GNG12: variants seen among roughly 807,000 people sequenced by gnomAD.
GNG12 encodes the protein guanine nucleotide-binding protein G(I)/G(S)/G(O) subunit gamma-12.
For missense variants in GNG12, 69 were observed against 83.8 expected, an observed-to-expected ratio of 0.82 and a Z score of 0.69; for synonymous variants, 28 against 29.7, an observed-to-expected ratio of 0.94 and a Z score of 0.19.
At chr1:67,757,641 G>C (rs116469256) in intron 2 of GNG12, among the ~76,000 whole-genome samples, 5 of 152,234 alleles carry the variant, frequency 3.3e-5, no homozygotes, top group Non-Finnish European at 7.4e-5. Flanking sequence ...CCTGCCTTCC[G>C]GGGGACCTTG....
At chr1:67,792,965 C>T (rs1359796906) in intron 1 of GNG12, among the ~76,000 whole-genome samples, 2 of 152,114 alleles carry the variant, frequency 1.3e-5, no homozygotes, top group Middle Eastern at 6.3e-3. Flanking sequence ...AGTTAGCTCC[C>T]AGGGGACAGT....
chr1:67,759,877 C>A (rs1646592247), intron 2 of GNG12, among the ~76,000 whole-genome samples: 1 of 152,210 alleles, frequency 6.6e-6, no homozygotes, highest in East Asian at 1.9e-4. Context: ...CAGTGACATT[C>A]CAAGGAGTTC....
intron 1 of GNG12, among the ~76,000 whole-genome samples, chr1:67,785,455 C>T (rs1193663440): frequency 5.3e-5 from 8 of 152,092 alleles, no homozygotes; most frequent in Non-Finnish European, 1.5e-5. Context: ...ACCTTTTCTA[C>T]CTCCTACTTT....
At chr1:67,831,252 A>G (rs1570583679) in intron 1 of GNG12, among the ~76,000 whole-genome samples, 1 of 152,360 alleles carries the variant, frequency 6.6e-6, no homozygotes, top group Admixed American at 6.5e-5. Flanking sequence ...AACTAATTTG[A>G]TATTGGCTAA....
At chr1:67,732,860 C>A (rs1646428741) in intron 2 of GNG12, among the ~76,000 whole-genome samples, 1 of 152,204 alleles carries the variant, frequency 6.6e-6, no homozygotes, top group Admixed American at 6.5e-5. Flanking sequence ...ATAGCTACTG[C>A]CCTCCTGGCA....
At chr1:67,746,664 G>A (rs1215927957) in intron 2 of GNG12, among the ~76,000 whole-genome samples, 1 of 152,174 alleles carries the variant, frequency 6.6e-6, no homozygotes, top group Non-Finnish European at 1.5e-5. Context: ...AAAATAGGGA[G>A]TTTGGCTTAA....
intron 3 of GNG12, 36 bp downstream of exon 3, chr1:67,707,558 G>T: frequency 9.3e-7 from 1 of 1,076,898 alleles, no homozygotes; most frequent in Non-Finnish European, 1.4e-6. Flanking sequence ...GGGGAACTGA[G>T]CAGAAAGCAT....
At chr1:67,801,133 C>T (rs1480871686) in intron 1 of GNG12, among the ~76,000 whole-genome samples, 3 of 152,122 alleles carry the variant, frequency 2.0e-5, no homozygotes, top group African/African-American at 2.4e-5. Context: ...AGTTGAGTAG[C>T]GTCTTCCATA....
chr1:67,758,479 C>T (rs1646583185), intron 2 of GNG12, among the ~76,000 whole-genome samples: 1 of 152,222 alleles, frequency 6.6e-6, no homozygotes, highest in Non-Finnish European at 1.5e-5. Context: ...CCCCTCTCTG[C>T]TCTTCACACA....
At position 67,784,801 on chromosome 1, in the gene GNG12, A is replaced by G. The variant is rs190526791; in HGVS notation, c.-76-7294T>C. ...TATAGCATTTCATAAATAATGTGTC[A>G]CAGCTATATTTTGTATAAACTTACT... is the stretch of plus-strand genomic sequence containing the variant. On this transcript the variant is annotated intron_variant, in intron 1 of 3. Coordinates refer to ENST00000370982, the MANE Select transcript of GNG12 (RefSeq NM_018841.6). Among the ~76,000 whole-genome samples, 815 of 103,726 alleles carry G rather than the reference A, an allele frequency of 7.9e-3. 7 individuals are homozygous for G. Among genetic ancestry groups the G allele is most frequent in the African/African-American group, 0.029 (779 of 26,618 alleles). The allele number at this position is 103,726 out of a possible 152,430, so 68.0% of individuals were successfully genotyped here.
chr1:67,786,933 ATATGTGTGTGTGTGTGTGTG>A (rs1646771358), intron 1 of GNG12, among the ~76,000 whole-genome samples: 4 of 52,100 alleles, frequency 7.7e-5, no homozygotes, highest in African/African-American at 2.4e-4. Context: ...ACTTATATAT[ATATGTGTGTGTGTGTGTGTG>A]TGTGTGTGTG....
chr1:67,723,714 C>T (rs1036651300), intron 2 of GNG12, among the ~76,000 whole-genome samples: 12 of 152,178 alleles, frequency 7.9e-5, no homozygotes, highest in East Asian at 7.7e-4. Context: ...ACTTAGAACA[C>T]GGCCAAGGTC....
At chr1:67,797,878 TA>T (rs1465630864) in intron 1 of GNG12, among the ~76,000 whole-genome samples, 1 of 152,164 alleles carries the variant, frequency 6.6e-6, no homozygotes, top group African/African-American at 2.4e-5. Flanking sequence ...ATTTCTACTG[TA>T]AACAGGGCTG....
At chr1:67,722,146 C>A (rs535691573) in intron 2 of GNG12, among the ~76,000 whole-genome samples, 137 of 152,152 alleles carry the variant, frequency 9.0e-4, no homozygotes, top group African/African-American at 3.2e-3. Context: ...ACCGAAAAGC[C>A]CAAACACCTG....
intron 1 of GNG12, among the ~76,000 whole-genome samples, chr1:67,802,093 C>A (rs1646869247): frequency 6.6e-6 from 1 of 151,874 alleles, no homozygotes; most frequent in Non-Finnish European, 1.5e-5. Flanking sequence ...GGTTTCTTGA[C>A]CAGAGAATGA....
At chr1:67,811,352 C>T (rs1646924186) in intron 1 of GNG12, among the ~76,000 whole-genome samples, 2 of 152,142 alleles carry the variant, frequency 1.3e-5, no homozygotes, top group Non-Finnish European at 2.9e-5. Flanking sequence ...GGGAAATGCT[C>T]TTTGGCCATT....
chr1:67,803,289 G>A (rs542664480), intron 1 of GNG12, among the ~76,000 whole-genome samples: 4 of 152,250 alleles, frequency 2.6e-5, no homozygotes, highest in Non-Finnish European at 4.4e-5. Context: ...TGAGACAGGA[G>A]GATTGCTTGA....
intron 2 of GNG12, among the ~76,000 whole-genome samples, chr1:67,758,341 C>T (rs1232065502): frequency 6.6e-6 from 1 of 152,196 alleles, no homozygotes; most frequent in African/African-American, 2.4e-5. Context: ...TGGGACTGAA[C>T]TAATACACCT....
chr1:67,762,566 C>G (rs906404323), intron 2 of GNG12, among the ~76,000 whole-genome samples: 1 of 151,922 alleles, frequency 6.6e-6, no homozygotes. Flanking sequence ...ACATATATAC[C>G]TTCTACATGC....
Sources: allele counts gnomAD v4.1 joint callset (sites outside exome capture counted in the v4.1 genomes callset), GRCh38; gene constraint gnomAD v4.1.1; transcripts MANE v1.5; gene names NCBI Gene and HGNC (gene_info 2026-07-23, HGNC 2026-07-21).